MUC5AC: variants seen among roughly 807,000 people sequenced by gnomAD.
The protein encoded by MUC5AC is mucin 5AC, oligomeric mucus/gel-forming.
MUC5AC carries 158 observed loss-of-function variants against 169.7 expected under a neutral mutation model. The observed-to-expected ratio is 0.93, with a 90% CI of 0.82 to 1.06. The LOEUF is 1.06. Ranked by LOEUF, MUC5AC falls within the 50% of genes least tolerant of loss-of-function variation. The pLI is 0.00. For synonymous variants in MUC5AC, 1,975 were observed against 1,237.0 expected (o/e 1.60, Z -12.52); for missense variants, 4,359 against 3,089.9 (o/e 1.41, Z -9.74).
At position 1,194,500 on chromosome 11, in the gene MUC5AC, A is replaced by G. The variant is rs78483847; in HGVS notation, c.15020A>G (p.Asn5007Ser). ...GVMTNEIIFN[N>S]KVVSPGFRKN... ...CCCTGCGTCCAGATCATCTTCAACA[A>G]CAAGGTGGTCAGCCCCGGCTTCCGG... The change falls in exon 35 of 49, where the codon AAC becomes AGC. Residue 5007 changes from asparagine to serine, a missense_variant. Asn to Ser is a conservative substitution (Grantham distance 46). Coordinates refer to ENST00000621226, the MANE Select transcript of MUC5AC (RefSeq NM_001304359.2). 6,193 of 759,514 alleles carry G rather than the reference A, an allele frequency of 8.2e-3. 57 individuals are homozygous for G. Among genetic ancestry groups the G allele is most frequent in the Non-Finnish European group, 0.011 (4,405 of 414,106 alleles). 47.0% of individuals were successfully genotyped at this position (759,514 alleles called of 1,614,324 possible). A position where few individuals can be genotyped will look rare whatever the true frequency, so the allele number is the denominator to read the frequency against.
chr11:1,170,180 C>G (rs1860462353), intron 15 of MUC5AC, among the ~76,000 whole-genome samples: 4 of 61,388 alleles, frequency 6.5e-5, no homozygotes, highest in Admixed American at 1.3e-4. Flanking sequence ...CCCACTCACC[C>G]ATTCACCCAT....
intron 26 of MUC5AC, among the ~76,000 whole-genome samples, chr11:1,179,808 C>T (rs1860772387): frequency 6.6e-6 from 1 of 152,106 alleles, no homozygotes; most frequent in Non-Finnish European, 1.5e-5. Context: ...ACGGGCACTG[C>T]TGGATCTGCT....
rs1219289890 is a variant in MUC5AC at position 1,190,182 on chromosome 11, G to A, written c.12037G>A (p.Glu4013Lys). The change falls in exon 31 of 49, where the codon GAA becomes AAA. Residue 4013 changes from glutamate (E) to lysine (K), a missense_variant. Glu to Lys is a moderately conservative substitution (Grantham distance 56, BLOSUM62 1). Transcript: ENST00000621226. ...RAESHPEVSI[E>K]HLGQVVQCSR... ...CGAGAGCCACCCGGAGGTGAGCATC[G>A]AACACCTGGGCCAGGTGGTGCAGTG... 2.9e-5 allele frequency: 22 copies of A among 764,326 alleles called. No homozygotes were observed. Among genetic ancestry groups the A allele is most frequent in the South Asian group, 1.3e-4 (10 of 74,508 alleles). The allele number at this position is 764,326 out of a possible 1,614,324, so 47.3% of individuals were successfully genotyped here. A position where few individuals can be genotyped will look rare whatever the true frequency, so the allele number is the denominator to read the frequency against.
chr11:1,195,854 A>G, intron 36 of MUC5AC, 22 bp from the exon 37 acceptor site: 1 of 761,308 alleles, frequency 1.3e-6, no homozygotes, highest in South Asian at 1.3e-5. Context: ...TGCACCCAGC[A>G]CCCTGCCCAT....
rs753035947 is a variant in MUC5AC, at chr11:1,197,893, G to GC, written c.16034-5dup. The GC allele has an allele frequency of 2.8e-6, 2 of 709,690 alleles. No individual in the cohort carries two copies. Among genetic ancestry groups the GC allele is most frequent in the Admixed American group, 2.0e-5 (1 of 50,958 alleles). The allele number at this position is 709,690 out of a possible 1,614,324, so 44.0% of individuals were successfully genotyped here. A position where few individuals can be genotyped will look rare whatever the true frequency, so the allele number is the denominator to read the frequency against. The stretch of plus-strand genomic sequence containing the variant: ...ACAGACTCCTAATTGCCTCACTCCC[G>GC]CCCCCGCAGCCTGCAACACCAGCCG... On this transcript the variant is annotated splice_polypyrimidine_tract_variant and intron_variant, in intron 41 of 48. Coordinates refer to ENST00000621226, the MANE Select transcript of MUC5AC (RefSeq NM_001304359.2).
chr11:1,185,432 C>T lies in MUC5AC; in HGVS notation c.7287C>T (p.Thr2429=), dbSNP rs1457590551. The T allele has an allele frequency of 5.5e-6, 4 of 729,798 alleles. No individual in the cohort carries two copies. The highest frequency in any genetic ancestry group is 2.9e-5 in the South Asian group (2 of 70,156). 45.2% of individuals were successfully genotyped at this position (729,798 alleles called of 1,614,324 possible). ...STTSAPTSST[T]SSPQTSTTSA... ...CCTCTGCCCCTACAAGCAGCACAAC[C>T]TCCAGTCCACAGACCAGCACAACCT... is the stretch of plus-strand genomic sequence containing the variant. The change falls in exon 31 of 49, where the codon ACC becomes ACT. Residue 2429 remains threonine (T), a synonymous_variant. Coordinates refer to ENST00000621226, the MANE Select transcript of MUC5AC (RefSeq NM_001304359.2).
In MUC5AC at chr11:1,191,306, T is replaced by C; in HGVS notation, c.13161T>C (p.Ser4387=). The C allele has an allele frequency of 1.3e-6, 1 of 748,364 alleles. No individual in the cohort carries two copies. The allele number at this position is 748,364 out of a possible 1,614,324, so 46.4% of individuals were successfully genotyped here. The part of the protein sequence containing the change: ...PSPVPTTSTT[S]APTTRTTSAS... ...CTGTTCCCACCACCAGCACAACCTCTGCTCCTACAACCAGAACAACCTCTG... is the reference window on the plus strand; with the variant it reads ...CTGTTCCCACCACCAGCACAACCTCCGCTCCTACAACCAGAACAACCTCTG... The change falls in exon 31 of 49, where the codon TCT becomes TCC. Residue 4387 remains serine, a synonymous_variant. Transcript: ENST00000621226.
chr11:1,167,299 G>C (rs1036982611), intron 11 of MUC5AC, among the ~76,000 whole-genome samples: 1 of 143,108 alleles, frequency 7.0e-6, no homozygotes, highest in African/African-American at 2.7e-5. Context: ...CCCAAGATGA[G>C]ACCTTGCACT....
Position 1,177,490 on chromosome 11 carries a change from G to A in MUC5AC, c.2944G>A (p.Val982Met). 2.5e-6 allele frequency: 1 copy of A among 398,868 alleles called. No individual in the cohort carries two copies. Among genetic ancestry groups the A allele is most frequent in the Non-Finnish European group, 4.4e-6 (1 of 226,208 alleles). The allele number at this position is 398,868 out of a possible 1,614,324, so 24.7% of individuals were successfully genotyped here. A position where few individuals can be genotyped will look rare whatever the true frequency, so the allele number is the denominator to read the frequency against. ...ELKLSHGKVE[V>M]IGTDESQEVP... ...GAAGCTAAGCCATGGGAAGGTGGAG[G>A]TGATCGGGACGGACGAGAGCCAGGA... The change falls in exon 24 of 49, where the codon GTG becomes ATG. Residue 982 changes from valine to methionine, a missense_variant. Val to Met is a conservative substitution (Grantham distance 21). Coordinates refer to ENST00000621226, the MANE Select transcript of MUC5AC (RefSeq NM_001304359.2).
intron 41 of MUC5AC, 101 bp from the exon 42 acceptor site, chr11:1,197,802 C>T (rs1024721772): frequency 1.9e-5 from 10 of 532,608 alleles, no homozygotes; most frequent in East Asian, 1.4e-4. Flanking sequence ...GACCCCCGAG[C>T]GGGCTGTCTA....
chr11:1,178,561 C>T lies in MUC5AC; in HGVS notation c.3205C>T (p.Pro1069Ser). ...LEFGNSWKLS[P>S]SCPDALAPKD... Reference sequence around the variant, plus strand: ...GTTTGGGAACAGCTGGAAGCTCTCCCCCTCCTGCCCAGATGCCCTGGCGCC... The same window carrying T: ...GTTTGGGAACAGCTGGAAGCTCTCCTCCTCCTGCCCAGATGCCCTGGCGCC... The change falls in exon 25 of 49, where the codon CCC becomes TCC. Residue 1069 changes from proline (P) to serine (S), a missense_variant. By Grantham distance (74) the Pro-to-Ser change is moderately conservative. Coordinates refer to ENST00000621226, the MANE Select transcript of MUC5AC (RefSeq NM_001304359.2). 2 of 1,385,936 alleles carry T rather than the reference C, an allele frequency of 1.4e-6. No individual in the cohort carries two copies. The highest frequency in any genetic ancestry group is 3.5e-5 in the South Asian group (2 of 57,102). 85.9% of individuals were successfully genotyped at this position (1,385,936 alleles called of 1,614,324 possible).
intron 15 of MUC5AC, among the ~76,000 whole-genome samples, chr11:1,169,957 TTCACCCACTCACCTACTCAC>T (rs1860452360): frequency 1.1e-5 from 1 of 92,292 alleles, no homozygotes; most frequent in African/African-American, 4.3e-5. Flanking sequence ...CACTCACCCA[TTCACCCACTCACCTACTCAC>T]TCACCCACTC....
In MUC5AC at chr11:1,176,541, G is replaced by A. The variant is rs1055395772; in HGVS notation, c.2530G>A (p.Val844Met). 6.3e-5 allele frequency: 25 copies of A among 399,648 alleles called. No homozygotes were observed. The highest frequency in any genetic ancestry group is 1.3e-4 in the South Asian group (1 of 7,900). 24.8% of individuals were successfully genotyped at this position (399,648 alleles called of 1,614,324 possible). The change falls in exon 21 of 49, where the codon GTG becomes ATG. Residue 844 changes from valine (V) to methionine (M), a missense_variant. By Grantham distance (21) the Val-to-Met change is conservative. Coordinates refer to ENST00000621226, the MANE Select transcript of MUC5AC (RefSeq NM_001304359.2). ...CYSPQCVPGC[V>M]CPDGLVADGE... is the part of the protein sequence containing the mutation. ...CAGCCCCCAGTGTGTGCCTGGCTGC[G>A]TGTGCCCCGACGGGCTGGTGGCGGA...
At position 1,195,915 on chromosome 11, in the gene MUC5AC, G is replaced by T; in HGVS notation, c.15498G>T (p.Leu5166=). ...EPCHTVIPPL[L]FYEGCVFDRC... ...GCCACACTGTGATCCCCCCACTGCT[G>T]TTCTATGAGGGCTGCGTCTTTGACC... The change falls in exon 37 of 49, where the codon CTG becomes CTT. Residue 5166 remains leucine, a synonymous_variant. Transcript: ENST00000621226. The T allele has an allele frequency of 1.3e-6, 1 of 764,982 alleles. No individual in the cohort carries two copies. The highest frequency in any genetic ancestry group is 2.4e-6 in the Non-Finnish European group (1 of 417,794). 47.4% of individuals were successfully genotyped at this position (764,982 alleles called of 1,614,324 possible).
At position 1,188,353 on chromosome 11, in the gene MUC5AC, A is replaced by G. The variant is rs1451241098; in HGVS notation, c.10208A>G (p.Gln3403Arg). 1 of 646,678 alleles carries G rather than the reference A, an allele frequency of 1.5e-6. No individual in the cohort carries two copies. The allele number at this position is 646,678 out of a possible 1,614,324, so 40.1% of individuals were successfully genotyped here. A position where few individuals can be genotyped will look rare whatever the true frequency, so the allele number is the denominator to read the frequency against. Reference protein sequence around the residue: ...APTTSTTSTPQTSISSAPTSS... With the variant: ...APTTSTTSTPRTSISSAPTSS... The stretch of plus-strand genomic sequence containing the variant: ...ACAACCAGCACAACCTCCACTCCAC[A>G]GACCAGCATATCCTCTGCCCCTACA... Residue 3403 changes from glutamine to arginine, a missense_variant, in exon 31 of 49, where the codon CAG becomes CGG. Transcript: ENST00000621226.
At chr11:1,199,539 T>G (rs1177728835) in intron 46 of MUC5AC, 49 bp downstream of exon 46, 1 of 701,076 alleles carries the variant, frequency 1.4e-6, no homozygotes, top group Non-Finnish European at 2.6e-6. Flanking sequence ...CACCCCTAGA[T>G]GGGTTTGGGG....
Position 1,188,425 on chromosome 11 carries a change from C to A in MUC5AC, c.10280C>A (p.Thr3427Lys). The change falls in exon 31 of 49, where the codon ACA becomes AAA. Residue 3427 changes from threonine to lysine, a missense_variant. By Grantham distance (78) the Thr-to-Lys change is moderately conservative. Coordinates refer to ENST00000621226, the MANE Select transcript of MUC5AC (RefSeq NM_001304359.2). ...ACAAGCAGCACAATCTCTGCTCGTA[C>A]AACCAGCATAATCTCTGCCCCTACA... is the stretch of plus-strand genomic sequence containing the variant. ...APTSSTISAR[T>K]TSIISAPTTS... is the part of the protein sequence containing the mutation. The A allele has an allele frequency of 1.6e-6, 1 of 630,978 alleles. No homozygotes were observed. The highest frequency in any genetic ancestry group is 1.7e-5 in the South Asian group (1 of 58,960). 39.1% of individuals were successfully genotyped at this position (630,978 alleles called of 1,614,324 possible). A position where few individuals can be genotyped will look rare whatever the true frequency, so the allele number is the denominator to read the frequency against.
chr11:1,170,996 TCACCCACTCACCCATTCACCCATTCACC>T (rs1860502299), intron 15 of MUC5AC, among the ~76,000 whole-genome samples: 1 of 78,220 alleles, frequency 1.3e-5, no homozygotes, highest in Non-Finnish European at 2.4e-5. Flanking sequence ...ACCTACTCAC[TCACCCACTCACCCATTCACCCATTCACC>T]CACTCACTCA....
chr11:1,180,137 C>T lies in MUC5AC; in HGVS notation c.3600C>T (p.Val1200=). The part of the protein sequence containing the change: ...RNPRGDCLRD[V]RGLEGCYPKC... ...CCCGTGGAGACTGCCTGCGGGACGTCCGGGGCCTGGAAGGTGGGCTGGGGC... is the reference window on the plus strand; with the variant it reads ...CCCGTGGAGACTGCCTGCGGGACGTTCGGGGCCTGGAAGGTGGGCTGGGGC... Residue 1200 remains valine (V), a synonymous_variant, in exon 27 of 49, where the codon GTC becomes GTT. Transcript: ENST00000621226. 5.1e-6 allele frequency: 2 copies of T among 395,864 alleles called. No homozygotes were observed. Among genetic ancestry groups the T allele is most frequent in the Non-Finnish European group, 8.9e-6 (2 of 225,500 alleles). The allele number at this position is 395,864 out of a possible 1,614,324, so 24.5% of individuals were successfully genotyped here. A position where few individuals can be genotyped will look rare whatever the true frequency, so the allele number is the denominator to read the frequency against.
Sources: gnomAD v4.1 joint callset for allele counts (sites outside exome capture counted in the v4.1 genomes callset) on GRCh38, gnomAD v4.1.1 for gene constraint, MANE v1.5 for transcripts, NCBI Gene and HGNC (gene_info 2026-07-23, HGNC 2026-07-21) for gene names.